Variants in GRIK2 observed in about 807,000 individuals in gnomAD.
GRIK2 encodes glutamate receptor ionotropic, kainate 2.
GRIK2 carries 32 observed loss-of-function variants against 100.3 expected under a neutral mutation model. That is an observed-to-expected ratio of 0.32 (90% CI 0.24 to 0.43). The LOEUF (loss-of-function observed/expected upper bound fraction) is 0.43. Among genes scored for constraint, GRIK2 ranks in the 20% least tolerant of loss-of-function variants. The pLI is 1.00. For synonymous variants in GRIK2, 417 were observed against 389.4 expected (o/e 1.07, Z -0.83); for missense variants, 843 against 1,114.9 (o/e 0.76, Z 3.47).
intron 2 of GRIK2, among the ~76,000 whole-genome samples, chr6:101,544,923 A>G (rs1006176204): frequency 1.3e-5 from 2 of 152,204 alleles, no homozygotes; most frequent in African/African-American, 2.4e-5. Flanking sequence ...AATATACAGT[A>G]GTGCTTTTAA....
intron 15 of GRIK2, among the ~76,000 whole-genome samples, chr6:102,040,384 A>G (rs1018772852): frequency 1.3e-5 from 2 of 151,594 alleles, no homozygotes; most frequent in Non-Finnish European, 3.0e-5. Flanking sequence ...AAAAAGCAGT[A>G]GTACCATTAA....
chr6:102,050,844 A>C (rs540424471), intron 15 of GRIK2, among the ~76,000 whole-genome samples: 1 of 152,114 alleles, frequency 6.6e-6, no homozygotes, highest in Admixed American at 6.6e-5. Context: ...AATAAAGAAG[A>C]AAGATAAGAA....
At chr6:101,830,808 G>A (rs2147714) in intron 10 of GRIK2, among the ~76,000 whole-genome samples, 44,837 of 151,808 alleles carry the variant, frequency 0.3, 9,373 homozygotes, top group East Asian at 0.67. Flanking sequence ...GCAATTTGGA[G>A]ATTTCTCAAA....
At chr6:101,984,843 A>G (rs1793929785) in intron 14 of GRIK2, among the ~76,000 whole-genome samples, 1 of 151,754 alleles carries the variant, frequency 6.6e-6, no homozygotes, top group Admixed American at 6.6e-5. Flanking sequence ...ATTACAAAAC[A>G]TCTTTTTTCT....
At chr6:101,736,048 G>T (rs1425190682) in intron 7 of GRIK2, among the ~76,000 whole-genome samples, 1 of 151,554 alleles carries the variant, frequency 6.6e-6, no homozygotes, top group Non-Finnish European at 1.5e-5. Context: ...ATCTGGTGGG[G>T]CAGTCAAAGC....
intron 4 of GRIK2, among the ~76,000 whole-genome samples, chr6:101,671,511 T>C (rs1449935686): frequency 2.0e-5 from 3 of 152,232 alleles, no homozygotes; most frequent in African/African-American, 7.2e-5. Flanking sequence ...TGTTGTAACA[T>C]CACATGTCCT....
intron 2 of GRIK2, among the ~76,000 whole-genome samples, chr6:101,533,358 AG>A (rs1264493684): frequency 1.3e-5 from 2 of 151,914 alleles, no homozygotes; most frequent in Non-Finnish European, 2.9e-5. Flanking sequence ...CATAAATAAC[AG>A]TATAGGGATT....
At chr6:101,728,258 T>C (rs1425514136) in intron 7 of GRIK2, among the ~76,000 whole-genome samples, 1 of 152,052 alleles carries the variant, frequency 6.6e-6, no homozygotes, top group Non-Finnish European at 1.5e-5. Context: ...ATAATTTGAG[T>C]CAGAAAACTG....
At chr6:101,908,098 C>A (rs1788368930) in intron 12 of GRIK2, among the ~76,000 whole-genome samples, 1 of 151,514 alleles carries the variant, frequency 6.6e-6, no homozygotes, top group Non-Finnish European at 1.5e-5. Context: ...TTCAGTCCTA[C>A]ATCATTCTGT....
At chr6:101,870,913 C>T (rs1001214267) in intron 11 of GRIK2, among the ~76,000 whole-genome samples, 4 of 151,788 alleles carry the variant, frequency 2.6e-5, no homozygotes, top group African/African-American at 9.7e-5. Flanking sequence ...TTTGAGAGCA[C>T]GTGTTCTGAA....
chr6:101,783,470 G>A (rs1779230326), intron 7 of GRIK2, among the ~76,000 whole-genome samples: 1 of 152,188 alleles, frequency 6.6e-6, no homozygotes, highest in Non-Finnish European at 1.5e-5. Context: ...CTCAGGTAGT[G>A]TCCTTATAGC....
At chr6:101,464,481 C>A (rs1039730097) in intron 2 of GRIK2, among the ~76,000 whole-genome samples, 1 of 127,082 alleles carries the variant, frequency 7.9e-6, no homozygotes, top group Non-Finnish European at 1.7e-5. Context: ...ATAATTTTTA[C>A]CTTTTCTTTT....
intron 13 of GRIK2, among the ~76,000 whole-genome samples, chr6:101,925,516 A>G (rs987251678): frequency 2.6e-5 from 4 of 151,844 alleles, no homozygotes; most frequent in Non-Finnish European, 4.4e-5. Flanking sequence ...TGCTAGACCT[A>G]TTACTCAAAA....
chr6:101,473,237 A>G (rs1409525842), intron 2 of GRIK2, among the ~76,000 whole-genome samples: 5 of 144,882 alleles, frequency 3.5e-5, no homozygotes, highest in Non-Finnish European at 7.6e-5. Flanking sequence ...CTTGTTTTCA[A>G]TTTAGAATAT....
chr6:101,891,106 G>A (rs945730356), intron 12 of GRIK2, among the ~76,000 whole-genome samples: 10 of 147,120 alleles, frequency 6.8e-5, no homozygotes, highest in African/African-American at 2.0e-4. Context: ...GTAAATAATC[G>A]AACTCATTTT....
chr6:101,841,516 A>G (rs1783501477), intron 10 of GRIK2, among the ~76,000 whole-genome samples: 1 of 151,934 alleles, frequency 6.6e-6, no homozygotes, highest in Non-Finnish European at 1.5e-5. Context: ...GGCACCCACC[A>G]CCATGCCCGG....
At chr6:101,636,319 G>C (rs1055589268) in intron 4 of GRIK2, among the ~76,000 whole-genome samples, 2 of 152,022 alleles carry the variant, frequency 1.3e-5, no homozygotes, top group African/African-American at 4.8e-5. Context: ...CATGGACACA[G>C]AGGGGGCACA....
intron 14 of GRIK2, among the ~76,000 whole-genome samples, chr6:102,020,976 A>G (rs1399364554): frequency 2.0e-5 from 3 of 151,840 alleles, no homozygotes; most frequent in Admixed American, 6.6e-5. Context: ...GAATATTCAT[A>G]TAAAAAGAAG....
chr6:101,474,998 G>C (rs78571557), intron 2 of GRIK2, among the ~76,000 whole-genome samples: 5,147 of 151,682 alleles, frequency 0.034, 129 homozygotes, highest in Admixed American at 0.069. Context: ...CCAAACACTT[G>C]AGTGCTTCAT....
Sources: allele counts gnomAD v4.1 joint callset (sites outside exome capture counted in the v4.1 genomes callset), GRCh38; gene constraint gnomAD v4.1.1; transcripts MANE v1.5; gene names NCBI Gene and HGNC (gene_info 2026-07-23, HGNC 2026-07-21).